PITPNM3: variants seen among roughly 807,000 people sequenced by gnomAD.
The protein encoded by PITPNM3 is PITPNM family member 3.
PITPNM3 carries 26 observed loss-of-function variants against 102.0 expected under a neutral mutation model. That is an observed-to-expected ratio of 0.25 (90% CI 0.19 to 0.35). The LOEUF is 0.35. Among genes scored for constraint, PITPNM3 ranks in the 10% least tolerant of loss-of-function variants. The pLI, the probability that PITPNM3 is intolerant of heterozygous loss-of-function variation, is 1.00. For missense variants in PITPNM3, 1,083 were observed against 1,346.1 expected (o/e 0.80, Z 3.06); for synonymous variants, 578 against 558.6 (o/e 1.03, Z -0.49).
At chr17:6,474,712 C>T (rs560475610) in intron 9 of PITPNM3, 108 bp from the exon 10 acceptor site, 4 of 1,346,246 alleles carry the variant, frequency 3.0e-6, no homozygotes, top group Non-Finnish European at 4.0e-6. Flanking sequence ...GTGCCCAACC[C>T]TCCATCTCTG....
At chr17:6,481,340 A>G (rs1019188428) in intron 6 of PITPNM3, 1 of 153,562 alleles carries the variant, frequency 6.5e-6, no homozygotes, top group East Asian at 1.9e-4. Context: ...GGCATCCCCA[A>G]GGCTGGCATC....
intron 3 of PITPNM3, among the ~76,000 whole-genome samples, chr17:6,505,193 A>ATATATGT (rs1198801942): frequency 2.8e-5 from 2 of 72,320 alleles, no homozygotes; most frequent in African/African-American, 9.0e-5. Flanking sequence ...GAAGACAAAT[A>ATATATGT]AAATATATAT....
At chr17:6,464,030 C>G in intron 16 of PITPNM3, 140 bp downstream of exon 16, 1 of 1,536,962 alleles carries the variant, frequency 6.5e-7, no homozygotes, top group Non-Finnish European at 8.9e-7. Flanking sequence ...CGGCTGGTGA[C>G]CTCTCCCATC....
Position 6,469,596 on chromosome 17 carries a change from C to T in PITPNM3, c.1773+664G>A, listed in dbSNP as rs1567663551. 6.6e-6 allele frequency among the ~76,000 whole-genome samples: 1 copy of T among 152,192 alleles called. No homozygotes were observed. Among genetic ancestry groups the T allele is most frequent in the Non-Finnish European group, 1.5e-5 (1 of 68,026 alleles). On this transcript the variant is annotated intron_variant, in intron 13 of 19. Coordinates refer to ENST00000262483, the MANE Select transcript of PITPNM3 (RefSeq NM_031220.4). The surrounding 1 kb of genome is among the most constrained non-coding windows in gnomAD (Gnocchi z 4.0). ...GCTCTCACCGTAATGCAAATCTTGC[C>T]ACTCTGTGGCACCTCCACCCCCTGT...
In PITPNM3 at chr17:6,483,660, G is replaced by A. The variant is rs772757936; in HGVS notation, c.444C>T (p.Ser148=). ...AGGTGTGGATGTCGGCTGCCTTGCA[G>A]GACGGGTCCCCGGCACCCGTGTCCA... is the stretch of plus-strand genomic sequence containing the variant. ...NILDTGAGDP[S]CKAADIHTFS... The change falls in exon 6 of 20, where the codon TCC becomes TCT. Residue 148 remains serine (S), a synonymous_variant. Coordinates refer to ENST00000262483, the MANE Select transcript of PITPNM3 (RefSeq NM_031220.4). 2 of 1,612,848 alleles carry A rather than the reference G, an allele frequency of 1.2e-6. No individual in the cohort carries two copies. Among genetic ancestry groups the A allele is most frequent in the East Asian group, 2.2e-5 (1 of 44,758 alleles).
chr17:6,513,358 T>C (rs1907979054), intron 3 of PITPNM3, among the ~76,000 whole-genome samples: 1 of 152,110 alleles, frequency 6.6e-6, no homozygotes, highest in Non-Finnish European at 1.5e-5. Context: ...AAGGGAAAAG[T>C]AAAACTACCT....
At chr17:6,487,303 G>A (rs1220864578) in intron 4 of PITPNM3, among the ~76,000 whole-genome samples, 2 of 152,208 alleles carry the variant, frequency 1.3e-5, no homozygotes, top group African/African-American at 4.8e-5. Flanking sequence ...TGGGGTGGTG[G>A]TGAGGATAGA....
chr17:6,556,169 G>T lies in PITPNM3; in HGVS notation c.22+216C>A, dbSNP rs1910595725. 6.6e-6 allele frequency among the ~76,000 whole-genome samples: 1 copy of T among 151,902 alleles called. No individual in the cohort carries two copies. Among genetic ancestry groups the T allele is most frequent in the Non-Finnish European group, 1.5e-5 (1 of 67,878 alleles). ...GGCGGGGCCGTGGAGAAGGGGACGC[G>T]GTGTCCCCCGAGGTGACCGGGGGCG... On this transcript the variant is annotated intron_variant, in intron 1 of 19. Coordinates refer to ENST00000262483, the MANE Select transcript of PITPNM3 (RefSeq NM_031220.4). The surrounding 1 kb of genome is among the most constrained non-coding windows in gnomAD (Gnocchi z 5.2).
chr17:6,512,981 T>G (rs1907957978), intron 3 of PITPNM3, among the ~76,000 whole-genome samples: 1 of 151,996 alleles, frequency 6.6e-6, no homozygotes, highest in Non-Finnish European at 1.5e-5. Flanking sequence ...GAATGCAAAG[T>G]TATTCAGTAT....
At chr17:6,533,857 C>T (rs936006619) in intron 2 of PITPNM3, among the ~76,000 whole-genome samples, 1 of 152,190 alleles carries the variant, frequency 6.6e-6, no homozygotes, top group African/African-American at 2.4e-5. Flanking sequence ...CTCGCTTGCT[C>T]CTGTATCCCC....
At chr17:6,496,792 C>T (rs747095683) in intron 4 of PITPNM3, among the ~76,000 whole-genome samples, 13 of 152,092 alleles carry the variant, frequency 8.5e-5, no homozygotes, top group Non-Finnish European at 1.8e-4. Flanking sequence ...CTATAAGTGT[C>T]GGAAGCTGCA....
At chr17:6,548,057 T>C (rs114296940) in intron 1 of PITPNM3, among the ~76,000 whole-genome samples, 1,914 of 152,262 alleles carry the variant, frequency 0.013, 40 homozygotes, top group African/African-American at 0.043. Context: ...ACCACCTCAA[T>C]GAAACGACCA....
In PITPNM3 at chr17:6,468,757, G is replaced by A. The variant is rs954955542; in HGVS notation, c.1774-416C>T. On this transcript the variant is annotated intron_variant, in intron 13 of 19. Coordinates refer to ENST00000262483, the MANE Select transcript of PITPNM3 (RefSeq NM_031220.4). The surrounding 1 kb of genome is among the most constrained non-coding windows in gnomAD (Gnocchi z 5.2). ...CCGCAGAGCTGATTAGACTCCCTCCGCTAGATCACTCTCCTTAGCATTCAA... is the reference window on the plus strand; with the variant it reads ...CCGCAGAGCTGATTAGACTCCCTCCACTAGATCACTCTCCTTAGCATTCAA... Among the ~76,000 whole-genome samples, 6 of 152,118 alleles carry A rather than the reference G, an allele frequency of 3.9e-5. No homozygotes were observed. The highest frequency in any genetic ancestry group is 9.6e-5 in the African/African-American group (4 of 41,490).
intron 2 of PITPNM3, among the ~76,000 whole-genome samples, chr17:6,530,810 G>C (rs1039429494): frequency 5.9e-5 from 9 of 152,196 alleles, no homozygotes; most frequent in African/African-American, 2.2e-4. Flanking sequence ...ATGCTGGAGG[G>C]GGTTGGGAAA....
In PITPNM3 at chr17:6,483,673, G is replaced by C; in HGVS notation, c.431C>G (p.Ala144Gly). 6.2e-7 allele frequency: 1 copy of C among 1,614,068 alleles called. No homozygotes were observed. The highest frequency in any genetic ancestry group is 8.5e-7 in the Non-Finnish European group (1 of 1,180,022). Residue 144 changes from alanine to glycine, a missense_variant, in exon 6 of 20, where the codon GCC becomes GGC. By Grantham distance (60) the Ala-to-Gly change is moderately conservative (BLOSUM62 0). Around this residue, in one of 5 missense-constraint regions of PITPNM3, gnomAD observed 290 missense variants for 337.8 expected, o/e 0.86. Coordinates refer to ENST00000262483, the MANE Select transcript of PITPNM3 (RefSeq NM_031220.4). ...GGCTGCCTTGCAGGACGGGTCCCCG[G>C]CACCCGTGTCCAGGATGTTTCCCCC... ...LHGGNILDTG[A>G]GDPSCKAADI...
At chr17:6,541,670 G>A (rs1238926969) in intron 1 of PITPNM3, among the ~76,000 whole-genome samples, 4 of 152,114 alleles carry the variant, frequency 2.6e-5, no homozygotes, top group Non-Finnish European at 4.4e-5. Context: ...CAAGTCAGAT[G>A]TGCTAGAGGC....
intron 6 of PITPNM3, among the ~76,000 whole-genome samples, chr17:6,482,759 A>G (rs1298570191): frequency 3.3e-5 from 5 of 152,142 alleles, no homozygotes; most frequent in African/African-American, 1.2e-4. Context: ...CTTGGTGTGT[A>G]TGGAAACAGC....
chr17:6,495,978 G>A (rs776802009), intron 4 of PITPNM3, among the ~76,000 whole-genome samples: 1 of 152,138 alleles, frequency 6.6e-6, no homozygotes, highest in Non-Finnish European at 1.5e-5. Context: ...TGGGTGTAGC[G>A]ATGGAAAGCA....
intron 9 of PITPNM3, 120 bp from the exon 10 acceptor site, chr17:6,474,724 G>T: frequency 1.6e-6 from 2 of 1,278,600 alleles, no homozygotes; most frequent in South Asian, 1.4e-5. Flanking sequence ...CCATCTCTGG[G>T]GCGGGGCTGA....
Sources: gnomAD v4.1 joint callset for allele counts (sites outside exome capture counted in the v4.1 genomes callset) on GRCh38, gnomAD v4.1.1 for gene constraint, gnomAD v4.1.1 regional missense constraint, Gnocchi (gnomAD v3.1) non-coding constraint, MANE v1.5 for transcripts, NCBI Gene and HGNC (gene_info 2026-07-23, HGNC 2026-07-21) for gene names.